The following CACUL1 variants were observed in gnomAD, a reference collection of about 807,000 sequenced individuals.
CACUL1 encodes CDK2 associated cullin domain 1, also known as CDK2-associated and cullin domain-containing protein 1.
In CACUL1, 13 loss-of-function variants were observed where a neutral mutation model predicts 45.2. That is an observed-to-expected ratio of 0.29 (90% CI 0.19 to 0.46). The LOEUF (loss-of-function observed/expected upper bound fraction) is 0.46. Ranked by LOEUF, CACUL1 falls within the 20% of genes least tolerant of loss-of-function variation. The pLI is 1.00. For synonymous variants in CACUL1, 197 were observed against 174.2 expected (o/e 1.13, Z -1.03); for missense variants, 421 against 471.4 (o/e 0.89, Z 0.99).
At chr10:118,705,568 A>G (rs184848295) in intron 4 of CACUL1, among the ~76,000 whole-genome samples, 38 of 152,322 alleles carry the variant, frequency 2.5e-4, no homozygotes, top group African/African-American at 8.9e-4. Context: ...ACTTTGTCTC[A>G]GGTACAGTAA....
chr10:118,685,896 A>ATTAAAAGATTGTCCCATT lies in CACUL1; in HGVS notation c.*214_*231dup, dbSNP rs1442654338. On this transcript the variant is annotated 3_prime_UTR_variant, in exon 9 of 9. Transcript: ENST00000369151. The stretch of plus-strand genomic sequence containing the variant: ...CCTCACAGAATCTGTAGATAAACTC[A>ATTAAAAGATTGTCCCATT]TTAAAAGATTGTCCCATTTCAAAAT... 6 of 364,884 alleles carry ATTAAAAGATTGTCCCATT rather than the reference A, an allele frequency of 1.6e-5. No homozygotes were observed. The highest frequency in any genetic ancestry group is 2.5e-5 in the Non-Finnish European group (5 of 203,212). 22.6% of individuals were successfully genotyped at this position (364,884 alleles called of 1,614,324 possible).
intron 7 of CACUL1, among the ~76,000 whole-genome samples, chr10:118,689,605 G>A (rs911544336): frequency 4.6e-5 from 7 of 152,062 alleles, no homozygotes; most frequent in African/African-American, 7.2e-5. Context: ...TGCCATGTTT[G>A]TCCTTCATGT....
chr10:118,742,995 T>TTCAAGA (rs1206345652), intron 1 of CACUL1, among the ~76,000 whole-genome samples: 1 of 152,182 alleles, frequency 6.6e-6, no homozygotes, highest in Non-Finnish European at 1.5e-5. Context: ...ACTATACTAC[T>TTCAAGA]TCAAGAAACT....
At chr10:118,705,222 T>C (rs895688349) in intron 4 of CACUL1, among the ~76,000 whole-genome samples, 26 of 152,370 alleles carry the variant, frequency 1.7e-4, no homozygotes, top group African/African-American at 5.3e-4. Context: ...CTTCAAGCTA[T>C]TTTCACAACT....
chr10:118,726,773 A>G (rs974704703), intron 3 of CACUL1, among the ~76,000 whole-genome samples: 1 of 152,216 alleles, frequency 6.6e-6, no homozygotes, highest in Non-Finnish European at 1.5e-5. Flanking sequence ...CTTAGTGTGA[A>G]GCAACGAGAT....
At chr10:118,723,400 TTATA>T (rs148738804) in intron 3 of CACUL1, among the ~76,000 whole-genome samples, 1 of 151,856 alleles carries the variant, frequency 6.6e-6, no homozygotes, top group Non-Finnish European at 1.5e-5. Flanking sequence ...CGAGTTTTGA[TTATA>T]TATATATATT....
intron 5 of CACUL1, among the ~76,000 whole-genome samples, chr10:118,695,854 T>C (rs1845316904): frequency 6.6e-6 from 1 of 152,174 alleles, no homozygotes; most frequent in Non-Finnish European, 1.5e-5. Context: ...ATAATTCCTC[T>C]AGATAAGATC....
chr10:118,728,066 G>C (rs1845667368), intron 3 of CACUL1, among the ~76,000 whole-genome samples: 1 of 151,856 alleles, frequency 6.6e-6, no homozygotes, highest in South Asian at 2.1e-4. Flanking sequence ...AACAAGAAAA[G>C]TATATATCTG....
intron 1 of CACUL1, among the ~76,000 whole-genome samples, chr10:118,742,888 A>G (rs932368707): frequency 1.3e-5 from 2 of 152,212 alleles, no homozygotes; most frequent in African/African-American, 4.8e-5. Flanking sequence ...TTGGGAATAC[A>G]TGTGGGAATG....
At chr10:118,721,964 A>T (rs1336398996) in intron 3 of CACUL1, among the ~76,000 whole-genome samples, 2 of 152,218 alleles carry the variant, frequency 1.3e-5, no homozygotes, top group African/African-American at 4.8e-5. Context: ...AGACAGTTTT[A>T]AAAGATTTTA....
At chr10:118,750,044 G>A (rs1238568224) in intron 1 of CACUL1, among the ~76,000 whole-genome samples, 10 of 152,176 alleles carry the variant, frequency 6.6e-5, no homozygotes, top group African/African-American at 2.4e-4. Flanking sequence ...TAAGAAAGGA[G>A]GGCCGGGCGT....
rs905226536 is a variant in CACUL1 at position 118,729,415 on chromosome 10, A to C, written c.495-18T>G. ...ACACACAACTGTAAAACAAACAAAAACCCCCACAAACCAAGTTAATCATAA... is the reference window on the plus strand; with the variant it reads ...ACACACAACTGTAAAACAAACAAAACCCCCCACAAACCAAGTTAATCATAA... On this transcript the variant is annotated intron_variant, in intron 2 of 8. Transcript: ENST00000369151. 1 of 1,559,528 alleles carries C rather than the reference A, an allele frequency of 6.4e-7. No homozygotes were observed. Among genetic ancestry groups the C allele is most frequent in the Non-Finnish European group, 8.8e-7 (1 of 1,137,642 alleles).
In CACUL1 at chr10:118,679,443, T is replaced by C. The variant is rs1845130715; in HGVS notation, c.*6685A>G. ...GTTAGCCAGGCTGGTCTCGAGCTCC[T>C]GGCCTCAAGTGATCCACCTGCCTCA... On this transcript the variant is annotated 3_prime_UTR_variant, in exon 9 of 9. Transcript: ENST00000369151. 6.6e-6 allele frequency: 1 copy of C among 152,030 alleles called. No individual in the cohort carries two copies. The highest frequency in any genetic ancestry group is 1.5e-5 in the Non-Finnish European group (1 of 68,022). The allele number at this position is 152,030 out of a possible 1,614,324, so 9.4% of individuals were successfully genotyped here.
chr10:118,718,554 A>G (rs1233336513), intron 3 of CACUL1, among the ~76,000 whole-genome samples: 1 of 152,164 alleles, frequency 6.6e-6, no homozygotes, highest in Non-Finnish European at 1.5e-5. Flanking sequence ...CGGCCCGTGA[A>G]GATATTTACT....
At chr10:118,725,997 T>C (rs769105508) in intron 3 of CACUL1, among the ~76,000 whole-genome samples, 1 of 152,232 alleles carries the variant, frequency 6.6e-6, no homozygotes, top group African/African-American at 2.4e-5. Context: ...GCTGACGCCC[T>C]GTAGGTCCAA....
In CACUL1 at chr10:118,754,376, CAGGGAAAGGCTGG is replaced by C; in HGVS notation, c.367+7_367+19del. 6.7e-7 allele frequency: 1 copy of C among 1,502,704 alleles called. No individual in the cohort carries two copies. Among genetic ancestry groups the C allele is most frequent in the Non-Finnish European group, 8.9e-7 (1 of 1,124,682 alleles). The allele number at this position is 1,502,704 out of a possible 1,614,324, so 93.1% of individuals were successfully genotyped here. A position where few individuals can be genotyped will look rare whatever the true frequency, so the allele number is the denominator to read the frequency against. ...GTGAGGTGGAGAAAAGCCAAGGCTG[CAGGGAAAGGCTGG>C]ACTCACAGAACTTGGAGGTGGAGGT... On this transcript the variant is annotated splice_region_variant and intron_variant, in intron 1 of 8. Transcript: ENST00000369151.
chr10:118,752,125 T>A (rs772289137), intron 1 of CACUL1, among the ~76,000 whole-genome samples: 2 of 152,200 alleles, frequency 1.3e-5, no homozygotes, highest in Non-Finnish European at 2.9e-5. Flanking sequence ...ATAATAACTT[T>A]TATTGCTTCC....
At chr10:118,697,379 T>A (rs1327621241) in intron 5 of CACUL1, among the ~76,000 whole-genome samples, 1 of 152,218 alleles carries the variant, frequency 6.6e-6, no homozygotes, top group Non-Finnish European at 1.5e-5. Context: ...TACTTCACCA[T>A]ACCAACACTG....
rs1465363164 is a variant in CACUL1, at chr10:118,682,536, A to C, written c.*3592T>G. The C allele has an allele frequency of 6.5e-6, 1 of 152,684 alleles. No homozygotes were observed. Among genetic ancestry groups the C allele is most frequent in the Non-Finnish European group, 1.5e-5 (1 of 68,050 alleles). The allele number at this position is 152,684 out of a possible 1,614,324, so 9.5% of individuals were successfully genotyped here. A position where few individuals can be genotyped will look rare whatever the true frequency, so the allele number is the denominator to read the frequency against. ...TGCTCCTGCTCACTTCTAACTGCAG[A>C]AACCAATTTTGTTTGCTAGATCACC... On this transcript the variant is annotated 3_prime_UTR_variant, in exon 9 of 9. Coordinates refer to ENST00000369151, the MANE Select transcript of CACUL1 (RefSeq NM_153810.5).
Sources: allele counts gnomAD v4.1 joint callset (sites outside exome capture counted in the v4.1 genomes callset), GRCh38; gene constraint gnomAD v4.1.1; transcripts MANE v1.5; gene names NCBI Gene and HGNC (gene_info 2026-07-23, HGNC 2026-07-21).